Variants in PPP2R2A observed in about 807,000 individuals in gnomAD.
PPP2R2A encodes serine/threonine-protein phosphatase 2A 55 kDa regulatory subunit B alpha isoform.
A neutral mutation model predicts 53.2 loss-of-function variants in PPP2R2A; 9 were observed. That is an observed-to-expected ratio of 0.17 (90% CI 0.10 to 0.30). The LOEUF (loss-of-function observed/expected upper bound fraction) is 0.30, where lower values mean the gene tolerates loss of function less well. Ranked by LOEUF, PPP2R2A falls within the 10% of genes least tolerant of loss-of-function variation. PPP2R2A has a pLI of 1.00. For synonymous variants in PPP2R2A, 169 were observed against 174.2 expected (o/e 0.97, Z 0.23); for missense variants, 235 against 534.6 (o/e 0.44, Z 5.53).
chr8:26,345,033 G>A lies in PPP2R2A; in HGVS notation c.180+6046G>A, dbSNP rs533615262. On this transcript the variant is annotated intron_variant, in intron 3 of 9. Coordinates refer to ENST00000380737, the MANE Select transcript of PPP2R2A (RefSeq NM_002717.4). ...TTATACAACATTTTAAATCATTTGT[G>A]CATGAAACACAGTTTTGACTGTGAC... is the stretch of plus-strand genomic sequence containing the variant. 2.0e-5 allele frequency among the ~76,000 whole-genome samples: 3 copies of A among 152,248 alleles called. No homozygotes were observed. The East Asian group carries it at 5.8e-4, about 29-fold the overall frequency.
Position 26,295,606 on chromosome 8 carries a change from G to T in PPP2R2A, c.82+1866G>T, listed in dbSNP as rs1374088064. Among the ~76,000 whole-genome samples the T allele has an allele frequency of 3.3e-5, 5 of 152,140 alleles. No homozygotes were observed. The East Asian group carries it at 9.6e-4, about 29-fold the overall frequency. On this transcript the variant is annotated intron_variant, in intron 2 of 9. Transcript: ENST00000380737. ...TACTTAGTAGCTGCATTTTTCTACT[G>T]ATTGGTTAAATAATTTTCTTTAGAG...
intron 2 of PPP2R2A, among the ~76,000 whole-genome samples, chr8:26,330,444 C>T (rs1237366075): frequency 3.3e-5 from 5 of 151,736 alleles, no homozygotes; most frequent in African/African-American, 4.8e-5. Context: ...CCTCCCACCT[C>T]GGCCTCCTGA....
chr8:26,340,722 T>A lies in PPP2R2A; in HGVS notation c.180+1735T>A, dbSNP rs567622716. 3.3e-5 allele frequency among the ~76,000 whole-genome samples: 5 copies of A among 152,150 alleles called. No homozygotes were observed. The East Asian group carries it at 7.7e-4, about 24-fold the overall frequency. ...CAAGTGTGGAAAAAATGGCTGAAAA[T>A]TTTTTTAATTGGGGGAAATGTTTGT... is the stretch of plus-strand genomic sequence containing the variant. On this transcript the variant is annotated intron_variant, in intron 3 of 9. Transcript: ENST00000380737.
At position 26,363,903 on chromosome 8, in the gene PPP2R2A, T is replaced by C; in HGVS notation, c.972+13T>C. ...GGAAACATACCAGGTATTTGAGTTT[T>C]TTCTTTCAATGAGCATATACCCTGT... On this transcript the variant is annotated intron_variant, in intron 8 of 9. Coordinates refer to ENST00000380737, the MANE Select transcript of PPP2R2A (RefSeq NM_002717.4). 5 of 1,573,076 alleles carry C rather than the reference T, an allele frequency of 3.2e-6. No homozygotes were observed. The highest frequency in any genetic ancestry group is 4.3e-6 in the Non-Finnish European group (5 of 1,155,058).
chr8:26,291,898 G>A, intron 1 of PPP2R2A, 72 bp downstream of exon 1: 2 of 1,465,920 alleles, frequency 1.4e-6, no homozygotes, highest in South Asian at 1.2e-5. Flanking sequence ...ACCCCCTAGC[G>A]ACCGCCCGCG....
chr8:26,306,076 G>C (rs1326689432), intron 2 of PPP2R2A, among the ~76,000 whole-genome samples: 1 of 152,040 alleles, frequency 6.6e-6, no homozygotes, highest in East Asian at 1.9e-4. Context: ...AGGAGGCTGA[G>C]ACAGGAGAAT....
In PPP2R2A at chr8:26,370,647, A is replaced by G. The variant is rs902882606; in HGVS notation, c.*234A>G. 5 of 549,562 alleles carry G rather than the reference A, an allele frequency of 9.1e-6. No homozygotes were observed. The highest frequency in any genetic ancestry group is 1.6e-5 in the Non-Finnish European group (5 of 307,828). 34.0% of individuals were successfully genotyped at this position (549,562 alleles called of 1,614,324 possible). A position where few individuals can be genotyped will look rare whatever the true frequency, so the allele number is the denominator to read the frequency against. ...TAAGGGTAGGGCACTTTTAATTTAA[A>G]TGACTTCTTGCACCATCTTGCCTAA... On this transcript the variant is annotated 3_prime_UTR_variant, in exon 10 of 10. Transcript: ENST00000380737. The surrounding 1 kb of genome is among the most constrained non-coding windows in gnomAD (Gnocchi z 6.1).
At chr8:26,293,302 C>A (rs928240710) in intron 1 of PPP2R2A, 28 of 1,520,672 alleles carry the variant, frequency 1.8e-5, no homozygotes, top group Non-Finnish European at 2.3e-5. Flanking sequence ...ACCTTATTAA[C>A]TCTTCTGCAG....
chr8:26,315,011 C>T (rs974909914), intron 2 of PPP2R2A, among the ~76,000 whole-genome samples: 2 of 149,658 alleles, frequency 1.3e-5, no homozygotes, highest in South Asian at 2.1e-4. Context: ...CTCTTTTGCT[C>T]TTTGGAAATA....
rs189912235 is a variant in PPP2R2A, at chr8:26,346,266, G to A, written c.180+7279G>A. ...AGTCATCCTTATGCCTCAGCCTCCC[G>A]AGTAGCTGGGATTACAGACGTGCAC... On this transcript the variant is annotated intron_variant, in intron 3 of 9. Transcript: ENST00000380737. Among the ~76,000 whole-genome samples, 16 of 151,992 alleles carry A rather than the reference G, an allele frequency of 1.1e-4. No homozygotes were observed. In the East Asian group the frequency reaches 2.7e-3, roughly 26 times the overall value.
intron 2 of PPP2R2A, among the ~76,000 whole-genome samples, chr8:26,309,938 A>G (rs1297237795): frequency 6.6e-6 from 1 of 152,082 alleles, no homozygotes; most frequent in African/African-American, 2.4e-5. Flanking sequence ...AAGTTTTGCA[A>G]GAATTACCAA....
chr8:26,306,893 C>G (rs1439306312), intron 2 of PPP2R2A, among the ~76,000 whole-genome samples: 1 of 152,228 alleles, frequency 6.6e-6, no homozygotes, highest in Non-Finnish European at 1.5e-5. Flanking sequence ...CTTCTCTCTT[C>G]TTTCTCCCAG....
intron 2 of PPP2R2A, among the ~76,000 whole-genome samples, chr8:26,335,621 A>G (rs1181971173): frequency 6.6e-6 from 1 of 152,216 alleles, no homozygotes; most frequent in African/African-American, 2.4e-5. Flanking sequence ...GGCAAGATAA[A>G]TAGTAACAAA....
chr8:26,315,599 T>G (rs957638118), intron 2 of PPP2R2A, among the ~76,000 whole-genome samples: 4 of 152,220 alleles, frequency 2.6e-5, no homozygotes, highest in Non-Finnish European at 5.9e-5. Flanking sequence ...CATAGATGTT[T>G]CAACCAATAG....
intron 4 of PPP2R2A, chr8:26,358,948 T>C (rs977434385): frequency 2.2e-5 from 10 of 455,908 alleles, no homozygotes; most frequent in African/African-American, 2.0e-4. Flanking sequence ...GAACAGAATA[T>C]GGCAAGGGTG....
intron 2 of PPP2R2A, among the ~76,000 whole-genome samples, chr8:26,302,140 AC>A (rs1392602709): frequency 6.6e-6 from 1 of 152,168 alleles, no homozygotes; most frequent in Non-Finnish European, 1.5e-5. Context: ...ATGGAACATC[AC>A]TTTTATTTGA....
intron 7 of PPP2R2A, chr8:26,363,072 C>G: frequency 2.2e-6 from 1 of 455,328 alleles, no homozygotes; most frequent in African/African-American, 2.0e-5. Flanking sequence ...ATATATCTCT[C>G]ATGGAATGCT....
At chr8:26,345,014 A>G (rs186597916) in intron 3 of PPP2R2A, among the ~76,000 whole-genome samples, 47 of 152,326 alleles carry the variant, frequency 3.1e-4, no homozygotes, top group African/African-American at 1.1e-3. Flanking sequence ...ATAATTATAC[A>G]ACATTTTAAA....
chr8:26,360,501 C>A lies in PPP2R2A; in HGVS notation c.459+220C>A, dbSNP rs1409690753. 8.6e-6 allele frequency: 3 copies of A among 348,154 alleles called. No individual in the cohort carries two copies. In the Admixed American group the frequency reaches 1.4e-4, roughly 16 times the overall value. 21.6% of individuals were successfully genotyped at this position (348,154 alleles called of 1,614,324 possible). A position where few individuals can be genotyped will look rare whatever the true frequency, so the allele number is the denominator to read the frequency against. ...ACAGAAGCAGGACTCAAGCACAAGACAGTATTTCACGCCATCAGACTTCAT... is the reference window on the plus strand; with the variant it reads ...ACAGAAGCAGGACTCAAGCACAAGAAAGTATTTCACGCCATCAGACTTCAT... On this transcript the variant is annotated intron_variant, in intron 5 of 9. Coordinates refer to ENST00000380737, the MANE Select transcript of PPP2R2A (RefSeq NM_002717.4). This position sits in a 1 kb window ranked among gnomAD's most constrained non-coding sequence, Gnocchi z 4.5.
Sources: allele counts gnomAD v4.1 joint callset (sites outside exome capture counted in the v4.1 genomes callset), GRCh38; gene constraint gnomAD v4.1.1; non-coding constraint Gnocchi (gnomAD v3.1); transcripts MANE v1.5; gene names NCBI Gene and HGNC (gene_info 2026-07-23, HGNC 2026-07-21).